NXPE2: variants seen among roughly 807,000 people sequenced by gnomAD.
The protein encoded by NXPE2 is NXPE family member 2.
In NXPE2, 34 loss-of-function variants were observed where a neutral mutation model predicts 34.4. The ratio of observed to expected loss-of-function variants is 0.99; its 90% CI spans 0.75 to 1.31. The LOEUF (loss-of-function observed/expected upper bound fraction) is 1.31. Ranked by LOEUF, NXPE2 falls within the 40% of genes most tolerant of loss-of-function variation. NXPE2 has a pLI of 0.00. For missense variants in NXPE2, 649 were observed against 672.5 expected, an observed-to-expected ratio of 0.97 and a Z score of 0.39; for synonymous variants, 235 against 231.3, an observed-to-expected ratio of 1.02 and a Z score of -0.15.
chr11:114,782,338 G>A, the NXPE2 span, among the ~76,000 whole-genome samples: 22 of 152,194 alleles, frequency 1.4e-4, no homozygotes, highest in Non-Finnish European at 2.4e-4. Context: ...AATCTGTGCT[G>A]CCCAGCTGAG....
At chr11:114,667,875 T>C in the NXPE2 span, among the ~76,000 whole-genome samples, 1 of 152,148 alleles carries the variant, frequency 6.6e-6, no homozygotes, top group Non-Finnish European at 1.5e-5. Flanking sequence ...ACTCCTAAGT[T>C]CTCAACTGCA....
At chr11:114,700,226 TA>T (rs1951339976) in intron 3 of NXPE2, among the ~76,000 whole-genome samples, 1 of 152,204 alleles carries the variant, frequency 6.6e-6, no homozygotes, top group Non-Finnish European at 1.5e-5. Flanking sequence ...ATTTCCTCCG[TA>T]AAAGCTTTAA....
At chr11:114,741,231 C>G in the NXPE2 span, among the ~76,000 whole-genome samples, 10 of 13,730 alleles carry the variant, frequency 7.3e-4, no homozygotes, top group South Asian at 0.28. Context: ...TGATGAGCTT[C>G]TCTTCTCTTG....
At chr11:114,481,963 T>C in the NXPE2 span, among the ~76,000 whole-genome samples, 3 of 152,086 alleles carry the variant, frequency 2.0e-5, no homozygotes, top group East Asian at 3.9e-4. Flanking sequence ...TACCTCGGCA[T>C]TGAAGGAACA....
the NXPE2 span, among the ~76,000 whole-genome samples, chr11:114,597,364 A>C: frequency 9.2e-5 from 14 of 152,208 alleles, no homozygotes; most frequent in African/African-American, 3.4e-4. Flanking sequence ...GGGGTGGACA[A>C]ACTTTTTCTG....
the NXPE2 span, among the ~76,000 whole-genome samples, chr11:114,555,809 A>G: frequency 6.6e-6 from 1 of 152,134 alleles, no homozygotes; most frequent in Non-Finnish European, 1.5e-5. Context: ...GGCTTCTTGG[A>G]CTTATGATTA....
chr11:114,682,282 C>T (rs553070843), intron 2 of NXPE2, among the ~76,000 whole-genome samples: 12 of 152,210 alleles, frequency 7.9e-5, no homozygotes, highest in Admixed American at 3.3e-4. Context: ...ATGCTGGTCT[C>T]GCATCAGTGT....
chr11:114,742,123 A>G, the NXPE2 span, among the ~76,000 whole-genome samples: 370 of 151,886 alleles, frequency 2.4e-3, 1 homozygote, highest in Non-Finnish European at 3.4e-3. Context: ...AAAGCCTCTC[A>G]TTTGTTTTCT....
At chr11:114,611,531 T>C in the NXPE2 span, among the ~76,000 whole-genome samples, 1 of 151,860 alleles carries the variant, frequency 6.6e-6, no homozygotes, top group Non-Finnish European at 1.5e-5. Flanking sequence ...TGTTACCCGG[T>C]TTATAATAAG....
the NXPE2 span, among the ~76,000 whole-genome samples, chr11:114,631,549 G>A: frequency 3.3e-5 from 5 of 150,688 alleles, no homozygotes; most frequent in African/African-American, 1.2e-4. Context: ...GGGAGGGATA[G>A]CACTGGGAGA....
At chr11:114,629,937 T>C in the NXPE2 span, among the ~76,000 whole-genome samples, 5 of 149,498 alleles carry the variant, frequency 3.3e-5, no homozygotes, top group African/African-American at 9.9e-5. Flanking sequence ...TCAAAGATAA[T>C]AAAATACCTA....
the NXPE2 span, among the ~76,000 whole-genome samples, chr11:114,740,187 TTCTC>T: frequency 6.6e-6 from 1 of 152,238 alleles, no homozygotes; most frequent in Admixed American, 6.5e-5. Context: ...TATGTGGTCT[TTCTC>T]TCTCTCTATA....
chr11:114,500,452 A>G, the NXPE2 span, among the ~76,000 whole-genome samples: 1 of 152,106 alleles, frequency 6.6e-6, no homozygotes, highest in Non-Finnish European at 1.5e-5. Context: ...CAGACAACCC[A>G]TTAAAAAAAT....
the NXPE2 span, among the ~76,000 whole-genome samples, chr11:114,642,835 C>T: frequency 3.3e-5 from 5 of 152,038 alleles, no homozygotes; most frequent in Non-Finnish European, 5.9e-5. Flanking sequence ...TGAGGAATCG[C>T]CACACTGTCT....
the NXPE2 span, among the ~76,000 whole-genome samples, chr11:114,538,066 G>C: frequency 2.0e-5 from 3 of 152,022 alleles, no homozygotes; most frequent in Admixed American, 2.0e-4. Context: ...GCATGGTACT[G>C]GTACCAAAAC....
the NXPE2 span, among the ~76,000 whole-genome samples, chr11:114,633,560 C>A: frequency 1.3e-5 from 2 of 151,026 alleles, no homozygotes; most frequent in Admixed American, 6.6e-5. Context: ...TGTGCTGCAC[C>A]CATTGACTCG....
the NXPE2 span, among the ~76,000 whole-genome samples, chr11:114,797,955 A>G: frequency 6.6e-6 from 1 of 152,190 alleles, no homozygotes; most frequent in South Asian, 2.1e-4. Flanking sequence ...TGAAACAGCC[A>G]ATATTTTGTC....
At chr11:114,726,246 C>T in the NXPE2 span, among the ~76,000 whole-genome samples, 997 of 151,908 alleles carry the variant, frequency 6.6e-3, 2 homozygotes, top group Non-Finnish European at 9.3e-3. Context: ...AATCATGCTC[C>T]CCTTTTATGT....
At chr11:114,791,694 C>T in the NXPE2 span, among the ~76,000 whole-genome samples, 1 of 152,174 alleles carries the variant, frequency 6.6e-6, no homozygotes, top group African/African-American at 2.4e-5. Flanking sequence ...GATGAGTTGC[C>T]ACCAAGGGTG....
Sources: gnomAD v4.1 joint callset for allele counts (sites outside exome capture counted in the v4.1 genomes callset) on GRCh38, gnomAD v4.1.1 for gene constraint, MANE v1.5 for transcripts, NCBI Gene and HGNC (gene_info 2026-07-23, HGNC 2026-07-21) for gene names.